CEP85L: variants seen among roughly 807,000 people sequenced by gnomAD.
The protein encoded by CEP85L is centrosomal protein of 85 kDa-like.
In CEP85L, 60 loss-of-function variants were observed where a neutral mutation model predicts 100.3. The observed-to-expected ratio is 0.60, with a 90% CI of 0.49 to 0.74. The LOEUF (loss-of-function observed/expected upper bound fraction) is 0.74, where lower values mean the gene tolerates loss of function less well. Ranked by LOEUF, CEP85L falls within the 30% of genes least tolerant of loss-of-function variation. The probability of loss-of-function intolerance (pLI) is 0.00; values close to 1 mark genes in which losing one functional copy is unlikely to be tolerated. For synonymous variants in CEP85L, 319 were observed against 322.7 expected, an observed-to-expected ratio of 0.99 and a Z score of 0.12; for missense variants, 973 against 936.2, an observed-to-expected ratio of 1.04 and a Z score of -0.51.
At chr6:118,547,521 T>C (rs1778276689) in intron 3 of CEP85L, among the ~76,000 whole-genome samples, 1 of 152,144 alleles carries the variant, frequency 6.6e-6, no homozygotes, top group Non-Finnish European at 1.5e-5. Flanking sequence ...ACTGCATCAG[T>C]TTATTAAAAA....
At chr6:118,517,312 G>C (rs1040312135) in intron 4 of CEP85L, among the ~76,000 whole-genome samples, 1 of 152,240 alleles carries the variant, frequency 6.6e-6, no homozygotes, top group East Asian at 1.9e-4. Flanking sequence ...GGATAGTATT[G>C]AATCTATAAA....
intron 12 of CEP85L, among the ~76,000 whole-genome samples, chr6:118,466,615 T>G (rs1278106107): frequency 6.6e-6 from 1 of 152,132 alleles, no homozygotes; most frequent in African/African-American, 2.4e-5. Context: ...ATGATAGAAT[T>G]TGAGAAACCT....
At chr6:118,575,962 G>A (rs1168035191) in intron 2 of CEP85L, among the ~76,000 whole-genome samples, 2 of 152,100 alleles carry the variant, frequency 1.3e-5, no homozygotes, top group Non-Finnish European at 2.9e-5. Context: ...TACCCACTGG[G>A]TAGAAGCTCT....
chr6:118,474,816 T>C (rs756250799), intron 10 of CEP85L, among the ~76,000 whole-genome samples: 1 of 152,174 alleles, frequency 6.6e-6, no homozygotes, highest in Non-Finnish European at 1.5e-5. Context: ...CTCAAAAACA[T>C]TGGAGATTGT....
At chr6:118,520,670 C>G (rs1384849591) in intron 4 of CEP85L, among the ~76,000 whole-genome samples, 1 of 152,152 alleles carries the variant, frequency 6.6e-6, no homozygotes. Flanking sequence ...CCTTAACCAA[C>G]CTCTCTGTAT....
At chr6:118,526,600 C>G (rs73766536) in intron 3 of CEP85L, among the ~76,000 whole-genome samples, 4,112 of 152,284 alleles carry the variant, frequency 0.027, 189 homozygotes, top group African/African-American at 0.093. Context: ...TGCAGCAGAA[C>G]TGGTTTCACA....
At chr6:118,559,191 G>A in intron 3 of CEP85L, 1 of 839,940 alleles carries the variant, frequency 1.2e-6, no homozygotes. Context: ...GAGTAGAAGA[G>A]TTTCTTTGTG....
At chr6:118,626,241 C>T (rs553156331) in intron 2 of CEP85L, among the ~76,000 whole-genome samples, 1 of 152,140 alleles carries the variant, frequency 6.6e-6, no homozygotes, top group Non-Finnish European at 1.5e-5. Flanking sequence ...ATATTCCTAA[C>T]ACCAGGATTT....
intron 1 of CEP85L, among the ~76,000 whole-genome samples, chr6:118,667,848 A>G (rs1776180170): frequency 6.6e-6 from 1 of 152,148 alleles, no homozygotes; most frequent in African/African-American, 2.4e-5. Context: ...ATCTGGGTGA[A>G]CTATGTCTTT....
chr6:118,632,649 T>C (rs748921625), intron 1 of CEP85L, 38 bp from the exon 2 acceptor site: 2 of 1,544,422 alleles, frequency 1.3e-6, no homozygotes, highest in African/African-American at 1.4e-5. Flanking sequence ...CACATATATC[T>C]GAGTAGGCAG....
chr6:118,545,547 C>T (rs1402550300), intron 3 of CEP85L, among the ~76,000 whole-genome samples: 1 of 152,118 alleles, frequency 6.6e-6, no homozygotes, highest in Non-Finnish European at 1.5e-5. Context: ...GAGATCGCAC[C>T]ATTCACTCGG....
chr6:118,624,690 C>G (rs2115291253), intron 2 of CEP85L, among the ~76,000 whole-genome samples: 1 of 152,348 alleles, frequency 6.6e-6, no homozygotes, highest in South Asian at 2.1e-4. Context: ...CCATACATAT[C>G]ACCAAGGACA....
At chr6:118,542,713 T>C (rs376318136) in intron 3 of CEP85L, among the ~76,000 whole-genome samples, 19 of 151,970 alleles carry the variant, frequency 1.3e-4, no homozygotes, top group African/African-American at 4.6e-4. Flanking sequence ...ATCTCTTATA[T>C]TATGGTTACA....
chr6:118,576,796 C>T (rs1780263129), intron 2 of CEP85L, among the ~76,000 whole-genome samples: 1 of 152,162 alleles, frequency 6.6e-6, no homozygotes, highest in Admixed American at 6.5e-5. Flanking sequence ...CAGTACTTAT[C>T]CATTGTAAAA....
chr6:118,600,303 GTGTGTGTGTGTGTGTGTGTGTGTGT>G (rs1781693859), intron 2 of CEP85L, among the ~76,000 whole-genome samples: 1 of 33,996 alleles, frequency 2.9e-5, no homozygotes, highest in Non-Finnish European at 6.5e-5. Context: ...TCCTGGGGGT[GTGTGTGTGTGTGTGTGTGTGTGTGT>G]GTGTGTGTGT....
At chr6:118,501,635 A>T in intron 5 of CEP85L, 1 of 631,406 alleles carries the variant, frequency 1.6e-6, no homozygotes, top group Admixed American at 2.0e-5. Context: ...CAAACCAGAG[A>T]CCACTTATTA....
chr6:118,670,863 T>C (rs1305387529), intron 1 of CEP85L, among the ~76,000 whole-genome samples: 3 of 152,144 alleles, frequency 2.0e-5, no homozygotes, highest in Non-Finnish European at 4.4e-5. Context: ...AGCTTGACCA[T>C]GGAAATGTTC....
At chr6:118,604,372 C>G (rs1257458829) in intron 2 of CEP85L, among the ~76,000 whole-genome samples, 1 of 152,198 alleles carries the variant, frequency 6.6e-6, no homozygotes, top group Non-Finnish European at 1.5e-5. Flanking sequence ...TGTTCACACA[C>G]AGAATCTCTC....
chr6:118,501,296 G>A, intron 5 of CEP85L: 1 of 366,742 alleles, frequency 2.7e-6, no homozygotes, highest in Non-Finnish European at 5.3e-6. Context: ...TTCTGGTCCA[G>A]GCCAGGCGAG....
Sources: allele counts gnomAD v4.1 joint callset (sites outside exome capture counted in the v4.1 genomes callset), GRCh38; gene constraint gnomAD v4.1.1; transcripts MANE v1.5; gene names NCBI Gene and HGNC (gene_info 2026-07-23, HGNC 2026-07-21).